XKR9: variants seen among roughly 807,000 people sequenced by gnomAD.
XKR9 encodes the protein XK-related protein 9.
In XKR9, 32 loss-of-function variants were observed where a neutral mutation model predicts 32.0. The observed-to-expected ratio is 1.00, with a 90% CI of 0.76 to 1.34. XKR9 has a LOEUF of 1.34. Among genes scored for constraint, XKR9 ranks in the 40% most tolerant of loss-of-function variants. The pLI is 0.00. For synonymous variants in XKR9, 168 were observed against 143.4 expected (o/e 1.17, Z -1.22); for missense variants, 546 against 429.7 (o/e 1.27, Z -2.39).
chr8:70,782,650 C>A (rs1807632495), intron 2 of XKR9, among the ~76,000 whole-genome samples: 1 of 152,040 alleles, frequency 6.6e-6, no homozygotes, highest in Admixed American at 6.6e-5. Flanking sequence ...TTTTAGATTT[C>A]ACATATAAAT....
intron 2 of XKR9, among the ~76,000 whole-genome samples, chr8:70,745,025 T>C (rs1315469933): frequency 6.7e-6 from 1 of 150,094 alleles, no homozygotes; most frequent in East Asian, 1.9e-4. Context: ...CAATTAACAA[T>C]ATATGTAATG....
At chr8:70,812,812 A>G in the XKR9 span, among the ~76,000 whole-genome samples, 1 of 152,210 alleles carries the variant, frequency 6.6e-6, no homozygotes, top group African/African-American at 2.4e-5. Context: ...CAAATGGAAG[A>G]ACATTCCATG....
chr8:70,857,174 T>C, the XKR9 span, among the ~76,000 whole-genome samples: 1 of 152,174 alleles, frequency 6.6e-6, no homozygotes, highest in South Asian at 2.1e-4. Context: ...AAAAAATCAA[T>C]GAATCCAGAA....
chr8:71,028,414 T>A, the XKR9 span, among the ~76,000 whole-genome samples: 1 of 152,158 alleles, frequency 6.6e-6, no homozygotes, highest in Admixed American at 6.5e-5. Context: ...TACTTATATG[T>A]GAAATCTAAA....
chr8:70,908,322 T>C, the XKR9 span, among the ~76,000 whole-genome samples: 2 of 152,220 alleles, frequency 1.3e-5, no homozygotes, highest in African/African-American at 4.8e-5. Flanking sequence ...TTTAAATCCA[T>C]GTAATCTTTT....
At chr8:70,762,359 G>A (rs988079583) in intron 2 of XKR9, among the ~76,000 whole-genome samples, 10 of 152,060 alleles carry the variant, frequency 6.6e-5, no homozygotes, top group African/African-American at 1.2e-4. Flanking sequence ...CTGCCAGTTC[G>A]TGGCATATTA....
chr8:70,910,098 A>G, the XKR9 span, among the ~76,000 whole-genome samples: 1 of 151,852 alleles, frequency 6.6e-6, no homozygotes, highest in African/African-American at 2.4e-5. Flanking sequence ...CTGTGGGGAA[A>G]AAAAAAAAAA....
intron 2 of XKR9, among the ~76,000 whole-genome samples, chr8:70,746,731 TA>T (rs1237545954): frequency 1.3e-5 from 2 of 151,924 alleles, no homozygotes; most frequent in African/African-American, 4.8e-5. Context: ...AACTCATGCT[TA>T]AACTTAATCC....
chr8:70,799,504 T>G, the XKR9 span, among the ~76,000 whole-genome samples: 4 of 152,046 alleles, frequency 2.6e-5, no homozygotes, highest in African/African-American at 9.7e-5. Flanking sequence ...CTAATTTTTT[T>G]GTATTTTAGT....
chr8:70,957,295 T>C, the XKR9 span, among the ~76,000 whole-genome samples: 1 of 152,220 alleles, frequency 6.6e-6, no homozygotes, highest in Non-Finnish European at 1.5e-5. Context: ...TTGGTTTCTT[T>C]AGTTTCCAAA....
At chr8:70,904,073 TG>T in the XKR9 span, among the ~76,000 whole-genome samples, 1 of 152,314 alleles carries the variant, frequency 6.6e-6, no homozygotes. Flanking sequence ...TGTGATGTGG[TG>T]CTGAGAAGAA....
chr8:70,742,801 G>T (rs1586878925), intron 2 of XKR9, among the ~76,000 whole-genome samples: 1 of 152,082 alleles, frequency 6.6e-6, no homozygotes, highest in Admixed American at 6.5e-5. Context: ...TGTGTAATTT[G>T]TTGTTTTTCT....
At position 70,761,313 on chromosome 8, in the gene XKR9, A is replaced by G. The variant is rs1807305794; in HGVS notation, n.353-28026A>G. Among the ~76,000 whole-genome samples, 3 of 152,160 alleles carry G rather than the reference A, an allele frequency of 2.0e-5. 1 individual carries two copies. In the South Asian group the frequency reaches 6.2e-4, roughly 32 times the overall value. ...ACTGTCTTCCACAATGGTTGAACTA[A>G]TTTACACTCCCACCAACAGTGTAAA... On this transcript the variant is annotated intron_variant and non_coding_transcript_variant, in intron 2 of 3. Coordinates refer to the XKR9 transcript ENST00000520273.
At chr8:70,956,959 C>T in the XKR9 span, among the ~76,000 whole-genome samples, 1 of 152,054 alleles carries the variant, frequency 6.6e-6, no homozygotes, top group Non-Finnish European at 1.5e-5. Context: ...GAGGCTCCTG[C>T]CTCACCAACT....
chr8:70,752,930 A>T (rs1464880663), intron 2 of XKR9, among the ~76,000 whole-genome samples: 1 of 152,254 alleles, frequency 6.6e-6, no homozygotes, highest in East Asian at 1.9e-4. Flanking sequence ...CCAGAACTGA[A>T]GGAAATAGAG....
At chr8:71,059,781 T>C in the XKR9 span, among the ~76,000 whole-genome samples, 1 of 152,186 alleles carries the variant, frequency 6.6e-6, no homozygotes, top group Non-Finnish European at 1.5e-5. Flanking sequence ...TGTACCCTTT[T>C]ACCTGGAGAG....
At chr8:70,856,560 T>A in the XKR9 span, among the ~76,000 whole-genome samples, 6 of 152,142 alleles carry the variant, frequency 3.9e-5, no homozygotes, top group African/African-American at 1.4e-4. Context: ...TTTAGACAGA[T>A]CAATGAGACA....
the XKR9 span, among the ~76,000 whole-genome samples, chr8:71,053,612 T>C: frequency 6.9e-6 from 1 of 144,536 alleles, no homozygotes; most frequent in East Asian, 1.9e-4. Context: ...TACTCCCTCA[T>C]CCTAGTCCCA....
At chr8:70,829,306 A>G in the XKR9 span, among the ~76,000 whole-genome samples, 1 of 151,402 alleles carries the variant, frequency 6.6e-6, no homozygotes, top group Non-Finnish European at 1.5e-5. Context: ...TGAACATTTA[A>G]TATGACTATT....
Sources: gnomAD v4.1 joint callset for allele counts (sites outside exome capture counted in the v4.1 genomes callset) on GRCh38, gnomAD v4.1.1 for gene constraint, MANE v1.5 for transcripts, NCBI Gene and HGNC (gene_info 2026-07-23, HGNC 2026-07-21) for gene names.